Variants in CNOT1 observed in about 807,000 individuals in gnomAD.
The protein encoded by CNOT1 is CCR4-NOT transcription complex subunit 1, also known as CCR4-associated factor 1.
CNOT1 carries 15 observed loss-of-function variants against 273.8 expected under a neutral mutation model. The observed-to-expected ratio is 0.05, with a 90% CI of 0.04 to 0.08. The LOEUF (loss-of-function observed/expected upper bound fraction) is 0.08. Ranked by LOEUF, CNOT1 falls within the 10% of genes least tolerant of loss-of-function variation. CNOT1 has a pLI of 1.00. For synonymous variants in CNOT1, 1,022 were observed against 1,005.5 expected (o/e 1.02, Z -0.31); for missense variants, 1,644 against 2,912.2 (o/e 0.56, Z 10.02).
At chr16:58,555,690 G>T in intron 20 of CNOT1, 94 bp downstream of exon 20, 1 of 1,577,404 alleles carries the variant, frequency 6.3e-7, no homozygotes, top group African/African-American at 1.4e-5. Context: ...CGCTATATCA[G>T]GGCACTTTGA....
In CNOT1 at chr16:58,546,732, G is replaced by A; in HGVS notation, c.3768C>T (p.Asn1256=). ...CATTCATAATTGCCATTGTCCAAGG[G>A]TTTGGTGGCCTAAAAACCTAAAGAA... ...SIRSVVFRPP[N]PWTMAIMNVL... The change falls in exon 28 of 49, where the codon AAC becomes AAT. Residue 1256 remains asparagine, a synonymous_variant. Coordinates refer to ENST00000317147, the MANE Select transcript of CNOT1 (RefSeq NM_016284.5). The A allele has an allele frequency of 1.2e-6, 2 of 1,613,872 alleles. No homozygotes were observed. Among genetic ancestry groups the A allele is most frequent in the South Asian group, 1.1e-5 (1 of 91,082 alleles).
intron 2 of CNOT1, among the ~76,000 whole-genome samples, chr16:58,598,460 T>C (rs1370385216): frequency 2.1e-5 from 3 of 145,544 alleles, no homozygotes; most frequent in Non-Finnish European, 4.5e-5. Context: ...TCCCAGCTAC[T>C]AGGGAGGCTG....
At chr16:58,523,327 G>A in intron 47 of CNOT1, 43 bp downstream of exon 47, 1 of 1,534,866 alleles carries the variant, frequency 6.5e-7, no homozygotes, top group South Asian at 1.3e-5. Flanking sequence ...ATGAAAGGGA[G>A]GAGATCCTTT....
chr16:58,542,379 T>C (rs372930963), intron 32 of CNOT1, 44 bp from the exon 33 acceptor site: 8 of 1,612,906 alleles, frequency 5.0e-6, no homozygotes, highest in African/African-American at 1.3e-5. Flanking sequence ...ATAAGGCACT[T>C]CCCTAAATTA....
chr16:58,556,140 A>G (rs984356981), intron 19 of CNOT1, among the ~76,000 whole-genome samples: 1 of 152,238 alleles, frequency 6.6e-6, no homozygotes, highest in African/African-American at 2.4e-5. Flanking sequence ...ATCAGGACTT[A>G]TTAACACAAA....
At chr16:58,538,996 G>A in intron 35 of CNOT1, 82 bp from the exon 36 acceptor site, 2 of 1,538,776 alleles carry the variant, frequency 1.3e-6, no homozygotes, top group Non-Finnish European at 1.8e-6. Context: ...AAATCTCAAT[G>A]CCAAGTACCA....
At chr16:58,584,528 C>T (rs115290754) in intron 8 of CNOT1, among the ~76,000 whole-genome samples, 5,020 of 152,168 alleles carry the variant, frequency 0.033, 261 homozygotes, top group African/African-American at 0.11. Context: ...ACAGGGTCTT[C>T]ACCATGTTGG....
Position 58,525,359 on chromosome 16 carries a change from C to T in CNOT1, c.6604G>A (p.Val2202Ile). ...TAGCGATTCCCAGGTTCATTGGATA[C>T]CTTAAAATGAGCAAAACAGAACTCC... is the stretch of plus-strand genomic sequence containing the variant. ...FLSDLRSNLQ[V>I]SNEPGNRYNL... The change falls in exon 46 of 49, where the codon GTA (valine) becomes ATA (isoleucine). Residue 2202 changes from valine (V) to isoleucine (I), a missense_variant and splice_region_variant. Coordinates refer to ENST00000317147, the MANE Select transcript of CNOT1 (RefSeq NM_016284.5). The T allele has an allele frequency of 6.2e-7, 1 of 1,612,630 alleles. No individual in the cohort carries two copies. Among genetic ancestry groups the T allele is most frequent in the South Asian group, 1.1e-5 (1 of 90,956 alleles).
In CNOT1 at chr16:58,530,271, G is replaced by T. The variant is rs759010340; in HGVS notation, c.6254C>A (p.Thr2085Asn). Residue 2085 changes from threonine (T) to asparagine (N), a missense_variant, in exon 43 of 49, where the codon ACC (threonine) becomes AAC (asparagine). Thr to Asn is a moderately conservative substitution (Grantham distance 65, BLOSUM62 0). Coordinates refer to ENST00000317147, the MANE Select transcript of CNOT1 (RefSeq NM_016284.5). The stretch of plus-strand genomic sequence containing the variant: ...CTTGTAGAGGATTTGCATAGGTTTG[G>T]TGAGTTCCACATTTCTAAGGAAAGG... Reference protein sequence around the residue: ...LAPFLRNVELTKPMQILYKGT... With the variant: ...LAPFLRNVELNKPMQILYKGT... The T allele has an allele frequency of 1.2e-6, 2 of 1,611,270 alleles. No individual in the cohort carries two copies. Among genetic ancestry groups the T allele is most frequent in the Non-Finnish European group, 1.7e-6 (2 of 1,178,158 alleles).
intron 19 of CNOT1, 85 bp from the exon 20 acceptor site, chr16:58,555,993 A>G: frequency 6.4e-7 from 1 of 1,551,100 alleles, no homozygotes; most frequent in South Asian, 1.2e-5. Flanking sequence ...AGACTATTAT[A>G]GCTCTAACTT....
intron 1 of CNOT1, among the ~76,000 whole-genome samples, chr16:58,628,714 T>C (rs368285129): frequency 6.6e-6 from 1 of 152,166 alleles, no homozygotes. Flanking sequence ...ATTAGAGTCC[T>C]AAGAAATGTG....
intron 2 of CNOT1, among the ~76,000 whole-genome samples, chr16:58,598,363 A>G (rs2042336410): frequency 6.8e-6 from 1 of 147,032 alleles, no homozygotes; most frequent in African/African-American, 2.5e-5. Context: ...GTGCCACTGC[A>G]CTCCAGCCTA....
chr16:58,545,381 G>T lies in CNOT1; in HGVS notation c.4117C>A (p.His1373Asn). The change falls in exon 30 of 49, where the codon CAC (histidine) becomes AAC (asparagine). Residue 1373 changes from histidine to asparagine, a missense_variant. By Grantham distance (68) the His-to-Asn change is moderately conservative. Around this residue, in one of 13 missense-constraint regions of CNOT1, gnomAD observed 133 missense variants for 230.4 expected, o/e 0.58. Transcript: ENST00000317147. ...NVYSLAGLAP[H>N]ITLNPTIPLF... is the part of the protein sequence containing the mutation. ...CTTACTGTTGGATTCAGAGTAATGT[G>T]TGGTGCCAAGCCCGCAAGGGAATAG... 1 of 1,614,026 alleles carries T rather than the reference G, an allele frequency of 6.2e-7. No individual in the cohort carries two copies. Among genetic ancestry groups the T allele is most frequent in the Middle Eastern group, 1.7e-4 (1 of 6,056 alleles).
At chr16:58,530,538 T>A in intron 42 of CNOT1, 191 bp from the exon 43 acceptor site, 3 of 399,866 alleles carry the variant, frequency 7.5e-6, no homozygotes, top group Non-Finnish European at 8.9e-6. Flanking sequence ...ATCCCAGCAC[T>A]CTGGGAGGCC....
chr16:58,602,565 A>AAAC (rs1567437578), intron 1 of CNOT1, among the ~76,000 whole-genome samples: 4 of 135,654 alleles, frequency 2.9e-5, no homozygotes, highest in Non-Finnish European at 4.8e-5. Context: ...AAAAAAAAAA[A>AAAC]AAAAAAAAAA....
At chr16:58,560,800 G>GT (rs2040811486) in intron 16 of CNOT1, among the ~76,000 whole-genome samples, 1 of 152,202 alleles carries the variant, frequency 6.6e-6, no homozygotes, top group Non-Finnish European at 1.5e-5. Context: ...CAAGGCGGGG[G>GT]TATTGCCTGA....
At chr16:58,564,951 A>T (rs2040988565) in intron 16 of CNOT1, among the ~76,000 whole-genome samples, 1 of 152,156 alleles carries the variant, frequency 6.6e-6, no homozygotes. Context: ...AAATAAATAA[A>T]TAATAAATAA....
At chr16:58,582,953 A>T (rs2041705566) in intron 9 of CNOT1, 50 bp from the exon 10 acceptor site, 1 of 1,612,316 alleles carries the variant, frequency 6.2e-7, no homozygotes. Flanking sequence ...CCATGTGTTC[A>T]CTTCTGGTCG....
chr16:58,580,470 G>T (rs2041618893), intron 12 of CNOT1, among the ~76,000 whole-genome samples, 163 bp downstream of exon 12: 1 of 152,070 alleles, frequency 6.6e-6, no homozygotes, highest in South Asian at 2.1e-4. Flanking sequence ...GACTGAAAAA[G>T]AATTTATCTA....
Sources: allele counts gnomAD v4.1 joint callset (sites outside exome capture counted in the v4.1 genomes callset), GRCh38; gene constraint gnomAD v4.1.1; regional missense constraint gnomAD v4.1.1; transcripts MANE v1.5; gene names NCBI Gene and HGNC (gene_info 2026-07-23, HGNC 2026-07-21).